The following PDE1C variants were observed in gnomAD, a reference collection of about 807,000 sequenced individuals.
The protein encoded by PDE1C is phosphodiesterase 1C, also known as dual specificity calcium/calmodulin-dependent 3',5'-cyclic nucleotide phosphodiesterase 1C.
A neutral mutation model predicts 93.1 loss-of-function variants in PDE1C; 62 were observed. The observed-to-expected ratio is 0.67, with a 90% CI of 0.54 to 0.82. The LOEUF (loss-of-function observed/expected upper bound fraction) is 0.82. PDE1C is among the 40% of genes least tolerant of loss of function. The probability of loss-of-function intolerance (pLI) is 0.00; values close to 1 mark genes in which losing one functional copy is unlikely to be tolerated. For synonymous variants in PDE1C, 325 were observed against 310.1 expected, an observed-to-expected ratio of 1.05 and a Z score of -0.50; for missense variants, 742 against 884.6, an observed-to-expected ratio of 0.84 and a Z score of 2.04.
chr7:32,207,662 C>G (rs1805687633), intron 2 of PDE1C, among the ~76,000 whole-genome samples: 1 of 152,102 alleles, frequency 6.6e-6, no homozygotes, highest in Non-Finnish European at 1.5e-5. Context: ...TGGTTTGCCA[C>G]TAATTACTTT....
chr7:31,643,470 A>C, the PDE1C span: 1 of 1,614,016 alleles, frequency 6.2e-7, no homozygotes, highest in Non-Finnish European at 8.5e-7. Flanking sequence ...ACCTTCCTCT[A>C]AATACTGGCA....
intron 2 of PDE1C, among the ~76,000 whole-genome samples, chr7:31,971,890 G>C (rs1811013048): frequency 6.6e-6 from 1 of 152,084 alleles, no homozygotes; most frequent in Non-Finnish European, 1.5e-5. Context: ...TCCTCTCCTT[G>C]CACCTCCAGG....
At chr7:32,051,356 T>A (rs1398551799) in intron 2 of PDE1C, among the ~76,000 whole-genome samples, 198 bp downstream of exon 2, 1 of 152,172 alleles carries the variant, frequency 6.6e-6, no homozygotes, top group Non-Finnish European at 1.5e-5. Flanking sequence ...TGTGAAGGCA[T>A]CCACCTACTG....
chr7:31,931,080 A>C (rs1043114167), intron 2 of PDE1C, among the ~76,000 whole-genome samples: 1 of 152,156 alleles, frequency 6.6e-6, no homozygotes, highest in Non-Finnish European at 1.5e-5. Flanking sequence ...TATTGATGGA[A>C]TGTATCTCAA....
At chr7:31,702,428 A>C in the PDE1C span, among the ~76,000 whole-genome samples, 1 of 152,154 alleles carries the variant, frequency 6.6e-6, no homozygotes. Flanking sequence ...AATCCTACCT[A>C]GGTTAATCCT....
intron 1 of PDE1C, among the ~76,000 whole-genome samples, chr7:32,056,320 T>TTCTCTCTCTCTCTCTCTCTC (rs10648394): frequency 1.5e-4 from 17 of 111,112 alleles, no homozygotes; most frequent in African/African-American, 6.2e-4. Context: ...GGGTCCACCG[T>TTCTCTCTCTCTCTCTCTCTC]TCTCTCTCTC....
chr7:31,697,564 C>CA, the PDE1C span, among the ~76,000 whole-genome samples: 17 of 151,986 alleles, frequency 1.1e-4, no homozygotes, highest in South Asian at 1.0e-3. Flanking sequence ...TCAAATCAAA[C>CA]AAAAAAAATC....
intron 2 of PDE1C, among the ~76,000 whole-genome samples, chr7:31,989,590 A>C (rs1041787509): frequency 6.6e-6 from 1 of 152,202 alleles, no homozygotes; most frequent in Non-Finnish European, 1.5e-5. Flanking sequence ...CACTTTCTAC[A>C]TTCTTACACT....
chr7:31,807,400 C>A (rs79679976), intron 16 of PDE1C, among the ~76,000 whole-genome samples: 146 of 151,810 alleles, frequency 9.6e-4, no homozygotes, highest in African/African-American at 3.5e-3. Context: ...TTTATCACTT[C>A]CCCCCTCCCC....
intron 1 of PDE1C, among the ~76,000 whole-genome samples, chr7:32,248,525 A>C (rs879632411): frequency 6.6e-6 from 1 of 152,228 alleles, no homozygotes; most frequent in Non-Finnish European, 1.5e-5. Flanking sequence ...TGGAAGAAAG[A>C]CTACCCACTG....
chr7:32,087,689 A>G (rs1233725240), intron 3 of PDE1C, among the ~76,000 whole-genome samples: 1 of 152,190 alleles, frequency 6.6e-6, no homozygotes, highest in Non-Finnish European at 1.5e-5. Context: ...GGATGAGTTC[A>G]TGTCCTTTGT....
intron 17 of PDE1C, among the ~76,000 whole-genome samples, chr7:31,767,547 G>A (rs906618295): frequency 3.3e-5 from 5 of 152,194 alleles, no homozygotes; most frequent in Admixed American, 3.3e-4. Context: ...TGTACAGCCT[G>A]AAGAACTGTG....
At chr7:32,176,196 A>G (rs867580265) in intron 2 of PDE1C, among the ~76,000 whole-genome samples, 2 of 152,186 alleles carry the variant, frequency 1.3e-5, no homozygotes, top group South Asian at 2.1e-4. Context: ...ACTATAGTAC[A>G]TTTATGTAAT....
At chr7:32,194,884 AC>A (rs1804507452) in intron 2 of PDE1C, among the ~76,000 whole-genome samples, 1 of 151,712 alleles carries the variant, frequency 6.6e-6, no homozygotes, top group South Asian at 2.1e-4. Flanking sequence ...GCTTACTTGA[AC>A]CTTTTTTAGA....
chr7:32,184,972 G>A (rs1042667695), intron 2 of PDE1C, among the ~76,000 whole-genome samples: 59 of 152,078 alleles, frequency 3.9e-4, no homozygotes, highest in South Asian at 1.5e-3. Flanking sequence ...TTAGCTGGGC[G>A]TAGTGGCGCA....
chr7:32,331,167 A>G (rs1783506452), intron 1 of PDE1C, among the ~76,000 whole-genome samples: 1 of 152,166 alleles, frequency 6.6e-6, no homozygotes, highest in Non-Finnish European at 1.5e-5. Context: ...CCTTCCTTTT[A>G]AATACAAACA....
the PDE1C span, among the ~76,000 whole-genome samples, chr7:31,718,750 C>G: frequency 3.4e-3 from 516 of 152,296 alleles, 2 homozygotes; most frequent in African/African-American, 0.012. Flanking sequence ...ACTCAGGGCA[C>G]AGACCTGGCA....
chr7:32,121,629 A>G (rs1270347625), intron 3 of PDE1C, among the ~76,000 whole-genome samples: 1 of 152,138 alleles, frequency 6.6e-6, no homozygotes, highest in Non-Finnish European at 1.5e-5. Context: ...TGTCCAGCCA[A>G]ACTAAGCTTC....
intron 2 of PDE1C, among the ~76,000 whole-genome samples, chr7:31,964,588 T>C (rs1006105281): frequency 3.3e-5 from 5 of 152,230 alleles, no homozygotes; most frequent in Non-Finnish European, 7.3e-5. Context: ...TGTCCCTGTC[T>C]GTCAGCTTTG....
Sources: gnomAD v4.1 joint callset for allele counts (sites outside exome capture counted in the v4.1 genomes callset) on GRCh38, gnomAD v4.1.1 for gene constraint, MANE v1.5 for transcripts, NCBI Gene and HGNC (gene_info 2026-07-23, HGNC 2026-07-21) for gene names.